NEDD4L: variants seen among roughly 807,000 people sequenced by gnomAD.
NEDD4L encodes the protein E3 ubiquitin-protein ligase NEDD4-like.
Under a neutral mutation model 148.9 loss-of-function variants are expected in NEDD4L, and 54 were observed. The ratio of observed to expected loss-of-function variants is 0.36; its 90% CI spans 0.29 to 0.45. The LOEUF is 0.45. Among genes scored for constraint, NEDD4L ranks in the 20% least tolerant of loss-of-function variants. The pLI is 1.00. For missense variants in NEDD4L, 856 were observed against 1,233.8 expected, an observed-to-expected ratio of 0.69 and a Z score of 4.59; for synonymous variants, 433 against 440.7, an observed-to-expected ratio of 0.98 and a Z score of 0.22.
chr18:58,075,520 G>A (rs1351000449), intron 1 of NEDD4L, among the ~76,000 whole-genome samples: 2 of 152,148 alleles, frequency 1.3e-5, no homozygotes, highest in African/African-American at 4.8e-5. Context: ...TGTGATCATA[G>A]CTCACTGCAT....
chr18:58,070,218 G>A (rs1040425565), intron 1 of NEDD4L, among the ~76,000 whole-genome samples: 1 of 152,080 alleles, frequency 6.6e-6, no homozygotes, highest in African/African-American at 2.4e-5. Context: ...GTTGCTAATT[G>A]AGGCCAAGTG....
intron 18 of NEDD4L, chr18:58,351,247 T>G: frequency 2.3e-6 from 2 of 866,634 alleles, no homozygotes; most frequent in Non-Finnish European, 2.8e-6. Flanking sequence ...CATCAAACTT[T>G]CACCCAATCT....
intron 2 of NEDD4L, among the ~76,000 whole-genome samples, chr18:58,206,769 G>A (rs1472633378): frequency 6.6e-6 from 1 of 152,200 alleles, no homozygotes; most frequent in Non-Finnish European, 1.5e-5. Context: ...TTAAGTGTGT[G>A]GGTGTTTGTG....
chr18:58,051,897 T>C (rs2081889594), intron 1 of NEDD4L, among the ~76,000 whole-genome samples: 1 of 152,214 alleles, frequency 6.6e-6, no homozygotes, highest in Non-Finnish European at 1.5e-5. Context: ...AAAATGTTAC[T>C]TTCTGTTTTT....
intron 2 of NEDD4L, among the ~76,000 whole-genome samples, chr18:58,182,687 G>T (rs900406429): frequency 3.9e-5 from 6 of 151,946 alleles, no homozygotes; most frequent in African/African-American, 1.5e-4. Context: ...TCACCATGTT[G>T]CCCAGAGTGG....
intron 16 of NEDD4L, among the ~76,000 whole-genome samples, chr18:58,346,602 G>A (rs144202101): frequency 3.7e-4 from 57 of 152,286 alleles, no homozygotes; most frequent in African/African-American, 1.3e-3. Flanking sequence ...AAGAAAAAAG[G>A]CACTTTTTTT....
chr18:58,396,945 G>T lies in NEDD4L; in HGVS notation c.*676G>T, dbSNP rs898816225. On this transcript the variant is annotated 3_prime_UTR_variant, in exon 31 of 31. Coordinates refer to ENST00000400345, the MANE Select transcript of NEDD4L (RefSeq NM_001144967.3). ...CTGGATATTACGTTTTTGTTTTGGG[G>T]TTTTTTTGTACAAATTTAGCTAATA... The T allele has an allele frequency of 3.9e-5, 6 of 152,472 alleles. No homozygotes were observed. The highest frequency in any genetic ancestry group is 2.6e-4 in the Admixed American group (4 of 15,270). The allele number at this position is 152,472 out of a possible 1,614,324, so 9.4% of individuals were successfully genotyped here. A position where few individuals can be genotyped will look rare whatever the true frequency, so the allele number is the denominator to read the frequency against.
intron 2 of NEDD4L, among the ~76,000 whole-genome samples, chr18:58,234,097 C>CTTTCTTTCTTTCT (rs1483373337): frequency 5.2e-3 from 437 of 83,270 alleles, no homozygotes; most frequent in African/African-American, 7.6e-3. Flanking sequence ...TTCTTTCTTT[C>CTTTCTTTCTTTCT]TTTCTTTTCT....
chr18:58,288,078 G>C (rs2149071165), intron 5 of NEDD4L, among the ~76,000 whole-genome samples: 1 of 152,316 alleles, frequency 6.6e-6, no homozygotes, highest in African/African-American at 2.4e-5. Flanking sequence ...CCACCCAGTA[G>C]TTCCTACTGA....
chr18:58,192,656 T>G (rs2147213633), intron 2 of NEDD4L, among the ~76,000 whole-genome samples: 1 of 152,192 alleles, frequency 6.6e-6, no homozygotes, highest in Non-Finnish European at 1.5e-5. Context: ...GCATCTGTGC[T>G]GTCTGCTGGG....
chr18:58,365,558 T>C (rs539986642), intron 20 of NEDD4L, among the ~76,000 whole-genome samples: 1 of 152,326 alleles, frequency 6.6e-6, no homozygotes, highest in African/African-American at 2.4e-5. Context: ...GCGTGGATTA[T>C]ATCTACCACC....
At chr18:58,362,206 C>T (rs1053945128) in intron 19 of NEDD4L, among the ~76,000 whole-genome samples, 15 of 152,246 alleles carry the variant, frequency 9.9e-5, no homozygotes, top group African/African-American at 3.6e-4. Context: ...TTGAAATCTG[C>T]TCCTTGGGGA....
rs945800962 is a variant in NEDD4L at position 58,367,000 on chromosome 18, A to G, written c.2064-746A>G. The G allele has an allele frequency of 3.3e-5, 5 of 152,246 alleles. No homozygotes were observed. Among genetic ancestry groups the G allele is most frequent in the Middle Eastern group, 3.2e-3 (1 of 316 alleles). 9.4% of individuals were successfully genotyped at this position (152,246 alleles called of 1,614,324 possible). The stretch of plus-strand genomic sequence containing the variant: ...GGTTGCTCTAGCCAAGAATTGCCCA[A>G]TTGATTTGTTGTTACTGAGTCCCAT... On this transcript the variant is annotated intron_variant, in intron 21 of 30. Transcript: ENST00000400345. The surrounding 1 kb of genome is among the most constrained non-coding windows in gnomAD (Gnocchi z 4.2).
At position 58,245,418 on chromosome 18, in the gene NEDD4L, T is replaced by C. The variant is rs1051890562; in HGVS notation, c.123-9T>C. On this transcript the variant is annotated splice_polypyrimidine_tract_variant and intron_variant, in intron 2 of 30. Coordinates refer to ENST00000400345, the MANE Select transcript of NEDD4L (RefSeq NM_001144967.3). ...ATAATCCTATTAAATCTAAAATATT[T>C]TCTTACAGTGATCCGTATGTGAAAC... 1 of 1,408,014 alleles carries C rather than the reference T, an allele frequency of 7.1e-7. No individual in the cohort carries two copies. The highest frequency in any genetic ancestry group is 9.9e-7 in the Non-Finnish European group (1 of 1,012,444). 87.2% of individuals were successfully genotyped at this position (1,408,014 alleles called of 1,614,324 possible). A position where few individuals can be genotyped will look rare whatever the true frequency, so the allele number is the denominator to read the frequency against.
At chr18:58,051,715 T>C (rs2081881243) in intron 1 of NEDD4L, among the ~76,000 whole-genome samples, 1 of 152,230 alleles carries the variant, frequency 6.6e-6, no homozygotes, top group Admixed American at 6.5e-5. Context: ...ATGTTGCAGG[T>C]ATTTGAATAA....
At chr18:58,190,072 T>A (rs1350934523) in intron 2 of NEDD4L, 1 of 152,220 alleles carries the variant, frequency 6.6e-6, no homozygotes, top group Non-Finnish European at 1.5e-5. Flanking sequence ...ATTAACATTA[T>A]GTTAGGGTGG....
chr18:58,328,375 A>G (rs2059497960), intron 9 of NEDD4L, among the ~76,000 whole-genome samples: 1 of 152,204 alleles, frequency 6.6e-6, no homozygotes, highest in South Asian at 2.1e-4. Flanking sequence ...GGCTGACTTG[A>G]GAGGTTATCT....
intron 18 of NEDD4L, among the ~76,000 whole-genome samples, chr18:58,354,250 T>C (rs1031029252): frequency 1.3e-4 from 20 of 152,194 alleles, no homozygotes; most frequent in Non-Finnish European, 2.8e-4. Context: ...ACAGGTATCC[T>C]ATCTACAACA....
intron 5 of NEDD4L, among the ~76,000 whole-genome samples, chr18:58,305,089 C>G (rs1375341393): frequency 6.6e-6 from 1 of 152,172 alleles, no homozygotes; most frequent in Admixed American, 6.5e-5. Flanking sequence ...GCATTCCGGG[C>G]CCAGGCAGTT....
Sources: gnomAD v4.1 joint callset for allele counts (sites outside exome capture counted in the v4.1 genomes callset) on GRCh38, gnomAD v4.1.1 for gene constraint, Gnocchi (gnomAD v3.1) non-coding constraint, MANE v1.5 for transcripts, NCBI Gene and HGNC (gene_info 2026-07-23, HGNC 2026-07-21) for gene names.